PDK1: variants seen among roughly 807,000 people sequenced by gnomAD.
PDK1 encodes the protein [Pyruvate dehydrogenase (acetyl-transferring)] kinase isozyme 1, mitochondrial.
Under a neutral mutation model 54.2 loss-of-function variants are expected in PDK1, and 39 were observed. The ratio of observed to expected loss-of-function variants is 0.72; its 90% confidence interval spans 0.56 to 0.94. The LOEUF (loss-of-function observed/expected upper bound fraction) is 0.94, where lower values mean the gene tolerates loss of function less well. Ranked by LOEUF, PDK1 falls within the 40% of genes least tolerant of loss-of-function variation. The probability of loss-of-function intolerance (pLI) is 0.00; values close to 1 mark genes in which losing one functional copy is unlikely to be tolerated. For missense variants in PDK1, 552 were observed against 566.0 expected, an observed-to-expected ratio of 0.98 and a Z score of 0.25; for synonymous variants, 221 against 207.1, an observed-to-expected ratio of 1.07 and a Z score of -0.58.
intron 8 of PDK1, among the ~76,000 whole-genome samples, chr2:172,579,312 CA>C (rs762061715): frequency 8.5e-5 from 13 of 152,078 alleles, no homozygotes; most frequent in Admixed American, 6.5e-5. Context: ...GTCTTCCCAG[CA>C]GCTACCAGGC....
chr2:172,589,487 A>T (rs1558953796), intron 9 of PDK1, among the ~76,000 whole-genome samples: 1 of 152,182 alleles, frequency 6.6e-6, no homozygotes, highest in Non-Finnish European at 1.5e-5. Context: ...TCAGGGAAGG[A>T]ACCAGGGGAG....
At chr2:172,684,801 A>C in the PDK1 span, among the ~76,000 whole-genome samples, 1 of 152,086 alleles carries the variant, frequency 6.6e-6, no homozygotes, top group African/African-American at 2.4e-5. Flanking sequence ...TGGCCTCCTA[A>C]ATATCTCTCA....
At chr2:172,687,023 A>C in the PDK1 span, among the ~76,000 whole-genome samples, 1 of 152,202 alleles carries the variant, frequency 6.6e-6, no homozygotes, top group Non-Finnish European at 1.5e-5. Context: ...GAATATAAGC[A>C]CTTTTTGTAT....
At chr2:172,699,497 T>TA in the PDK1 span, among the ~76,000 whole-genome samples, 1 of 144,168 alleles carries the variant, frequency 6.9e-6, no homozygotes, top group African/African-American at 2.6e-5. Flanking sequence ...TTTTTTTTTT[T>TA]ACTGTTCAGA....
chr2:172,634,863 G>C, the PDK1 span, among the ~76,000 whole-genome samples: 1 of 151,356 alleles, frequency 6.6e-6, no homozygotes, highest in East Asian at 1.9e-4. Context: ...CTTTTTATAT[G>C]AAGTAACTGC....
Position 172,597,835 on chromosome 2 carries a change from T to C in PDK1, c.*1866T>C, listed in dbSNP as rs1402997161. ...GCCACTTAAACAGGGGAGCTTTGTC[T>C]GGAAAATACACTGAGTTGAAACACT... On this transcript the variant is annotated 3_prime_UTR_variant, in exon 11 of 11. Transcript: ENST00000282077. 1 of 152,220 alleles carries C rather than the reference T, an allele frequency of 6.6e-6. No homozygotes were observed. The highest frequency in any genetic ancestry group is 1.5e-5 in the Non-Finnish European group (1 of 68,034). The allele number at this position is 152,220 out of a possible 1,614,324, so 9.4% of individuals were successfully genotyped here.
chr2:172,720,133 G>A, the PDK1 span, among the ~76,000 whole-genome samples: 4 of 25,226 alleles, frequency 1.6e-4, no homozygotes, highest in Non-Finnish European at 4.0e-4. Context: ...TTTTTTTTTT[G>A]AGACAGAGTC....
the PDK1 span, among the ~76,000 whole-genome samples, chr2:172,659,528 A>C: frequency 6.6e-6 from 1 of 152,160 alleles, no homozygotes; most frequent in African/African-American, 2.4e-5. Context: ...TGTCAATTTA[A>C]TTCTCAGCAC....
chr2:172,595,395 G>GT (rs1329694126), intron 10 of PDK1, among the ~76,000 whole-genome samples: 1 of 152,066 alleles, frequency 6.6e-6, no homozygotes, highest in African/African-American at 2.4e-5. Flanking sequence ...TTAAAGCACA[G>GT]TGACTATGCT....
chr2:172,582,217 A>G (rs903534296), intron 8 of PDK1, among the ~76,000 whole-genome samples: 1 of 152,206 alleles, frequency 6.6e-6, no homozygotes, highest in African/African-American at 2.4e-5. Flanking sequence ...CCTGGCCTAC[A>G]TGTCATTTAA....
chr2:172,620,883 A>G, the PDK1 span, among the ~76,000 whole-genome samples: 1 of 152,142 alleles, frequency 6.6e-6, no homozygotes, highest in Non-Finnish European at 1.5e-5. Flanking sequence ...AGCCAATTAC[A>G]TCTCTTTTAT....
At chr2:172,694,103 G>C in the PDK1 span, among the ~76,000 whole-genome samples, 14 of 152,222 alleles carry the variant, frequency 9.2e-5, no homozygotes, top group African/African-American at 3.4e-4. Context: ...CGGGAGACAG[G>C]GAGGGCAGAA....
In PDK1 at chr2:172,556,195, G is replaced by A. The variant is rs2149168938; in HGVS notation, c.45G>A (p.Pro15=). The A allele has an allele frequency of 7.1e-7, 1 of 1,413,122 alleles. No individual in the cohort carries two copies. Among genetic ancestry groups the A allele is most frequent in the Non-Finnish European group, 9.2e-7 (1 of 1,091,230 alleles). 87.5% of individuals were successfully genotyped at this position (1,413,122 alleles called of 1,614,324 possible). ...RLLRGAALAG[P]GPGLRAAGFS... ...TTCGCGGAGCCGCCTTGGCCGGCCC[G>A]GGCCCGGGGCTGCGCGCCGCCGGCT... The change falls in exon 1 of 11, where the codon CCG becomes CCA. Residue 15 remains proline (P), a synonymous_variant. Coordinates refer to ENST00000282077, the MANE Select transcript of PDK1 (RefSeq NM_002610.5).
At chr2:172,681,186 A>T in the PDK1 span, among the ~76,000 whole-genome samples, 2 of 152,220 alleles carry the variant, frequency 1.3e-5, no homozygotes, top group Non-Finnish European at 2.9e-5. Flanking sequence ...ATTGGGAACG[A>T]AAGTTGTGCC....
the PDK1 span, among the ~76,000 whole-genome samples, chr2:172,675,338 GAT>G: frequency 6.6e-6 from 1 of 152,318 alleles, no homozygotes; most frequent in East Asian, 1.9e-4. Context: ...TGGAAGCCAA[GAT>G]TGGCCAAAAG....
chr2:172,708,885 C>T, the PDK1 span, among the ~76,000 whole-genome samples: 1 of 152,110 alleles, frequency 6.6e-6, no homozygotes, highest in Non-Finnish European at 1.5e-5. Flanking sequence ...TGGAACTTTC[C>T]GTCTGTGGCA....
the PDK1 span, among the ~76,000 whole-genome samples, chr2:172,684,210 C>A: frequency 6.6e-6 from 1 of 152,178 alleles, no homozygotes; most frequent in African/African-American, 2.4e-5. Flanking sequence ...TGCTTGAGCT[C>A]AGGAGTTTGA....
At chr2:172,713,504 T>C in the PDK1 span, among the ~76,000 whole-genome samples, 2 of 152,184 alleles carry the variant, frequency 1.3e-5, no homozygotes, top group Non-Finnish European at 1.5e-5. Flanking sequence ...CTCATGCTTG[T>C]TGGTGCCCAA....
At chr2:172,702,346 G>A in the PDK1 span, among the ~76,000 whole-genome samples, 2 of 152,164 alleles carry the variant, frequency 1.3e-5, no homozygotes, top group East Asian at 1.9e-4. Context: ...GCATGATGGC[G>A]GATGCCTGTA....
Sources: gnomAD v4.1 joint callset for allele counts (sites outside exome capture counted in the v4.1 genomes callset) on GRCh38, gnomAD v4.1.1 for gene constraint, MANE v1.5 for transcripts, NCBI Gene and HGNC (gene_info 2026-07-23, HGNC 2026-07-21) for gene names.